Variants in ROBO2 observed in about 807,000 individuals in gnomAD.
ROBO2 encodes the protein roundabout homolog 2.
Under a neutral mutation model 160.8 loss-of-function variants are expected in ROBO2, and 53 were observed. That is an observed-to-expected ratio of 0.33 (90% confidence interval 0.26 to 0.41). The LOEUF is 0.41. Ranked by LOEUF, ROBO2 falls within the 10% of genes least tolerant of loss-of-function variation. The pLI, the probability that ROBO2 is intolerant of heterozygous loss-of-function variation, is 1.00. For synonymous variants in ROBO2, 664 were observed against 611.7 expected (o/e 1.09, Z -1.26); for missense variants, 1,577 against 1,722.4 (o/e 0.92, Z 1.49).
chr3:77,555,150 G>C (rs374722163), intron 8 of ROBO2, among the ~76,000 whole-genome samples: 2 of 152,048 alleles, frequency 1.3e-5, no homozygotes, highest in East Asian at 3.9e-4. Context: ...TAGCAATAAA[G>C]TATTTTTAAG....
chr3:76,907,823 GGT>G (rs71104638), intron 2 of ROBO2, among the ~76,000 whole-genome samples: 113 of 145,424 alleles, frequency 7.8e-4, no homozygotes, highest in South Asian at 1.6e-3. Context: ...GTTTGTTTGG[GGT>G]GTGTGTGTGT....
intron 2 of ROBO2, among the ~76,000 whole-genome samples, chr3:76,860,969 T>C (rs1331009654): frequency 1.3e-5 from 2 of 152,266 alleles, no homozygotes; most frequent in Middle Eastern, 3.4e-3. Flanking sequence ...ATTCAGCCCA[T>C]CCTTATCAAA....
At chr3:76,057,630 G>A (rs1364041078) in intron 2 of ROBO2, among the ~76,000 whole-genome samples, 2 of 152,126 alleles carry the variant, frequency 1.3e-5, no homozygotes, top group African/African-American at 4.8e-5. Context: ...GTGTTGTGGA[G>A]TAGAACAGAT....
chr3:76,391,828 T>A (rs2108649622), intron 2 of ROBO2, among the ~76,000 whole-genome samples: 1 of 152,268 alleles, frequency 6.6e-6, no homozygotes, highest in South Asian at 2.1e-4. Flanking sequence ...ACTTTCTATT[T>A]TAAGAGAAGT....
intron 2 of ROBO2, among the ~76,000 whole-genome samples, chr3:76,373,331 T>C (rs1311714871): frequency 6.6e-6 from 1 of 151,954 alleles, no homozygotes; most frequent in Admixed American, 6.6e-5. Flanking sequence ...TATTTAGTAA[T>C]TGAGAAAGGA....
At chr3:77,477,594 C>A (rs1369533230) in intron 3 of ROBO2, 23 bp downstream of exon 3, 1 of 1,606,858 alleles carries the variant, frequency 6.2e-7, no homozygotes, top group African/African-American at 1.3e-5. Context: ...AAAATCATGG[C>A]CCAGAGAGAT....
At chr3:76,882,481 A>G (rs2073452819) in intron 2 of ROBO2, among the ~76,000 whole-genome samples, 1 of 152,102 alleles carries the variant, frequency 6.6e-6, no homozygotes, top group South Asian at 2.1e-4. Context: ...CCTATATTAC[A>G]AATACTTTCA....
intron 2 of ROBO2, among the ~76,000 whole-genome samples, chr3:76,557,603 C>A (rs73129159): frequency 0.039 from 4,826 of 124,390 alleles, 88 homozygotes; most frequent in South Asian, 0.068. Flanking sequence ...ATAAAGGGTG[C>A]CTTTTTTTTT....
intron 8 of ROBO2, among the ~76,000 whole-genome samples, chr3:77,557,671 T>TA (rs1338185497): frequency 1.3e-5 from 2 of 151,942 alleles, no homozygotes; most frequent in Non-Finnish European, 2.9e-5. Context: ...ATGTCAGAAT[T>TA]TATCTCAATG....
At chr3:76,507,718 A>AT (rs1182467429) in intron 2 of ROBO2, among the ~76,000 whole-genome samples, 2 of 152,076 alleles carry the variant, frequency 1.3e-5, no homozygotes, top group African/African-American at 2.4e-5. Flanking sequence ...AGGAGAAACC[A>AT]TTTTTTACTT....
intron 2 of ROBO2, among the ~76,000 whole-genome samples, chr3:77,292,633 G>GAAGTTTAGAGCACTA (rs1479728578): frequency 1.3e-5 from 2 of 148,950 alleles, no homozygotes; most frequent in East Asian, 4.1e-4. Flanking sequence ...GGTTAAACAG[G>GAAGTTTAGAGCACTA]AAGTTGAGGC....
intron 2 of ROBO2, among the ~76,000 whole-genome samples, chr3:76,367,685 G>A (rs1004060834): frequency 6.6e-6 from 1 of 151,378 alleles, no homozygotes; most frequent in Non-Finnish European, 1.5e-5. Flanking sequence ...ATTTCCATGA[G>A]AAAAAAAATG....
intron 2 of ROBO2, among the ~76,000 whole-genome samples, chr3:76,273,401 C>A (rs1707716230): frequency 6.6e-6 from 1 of 151,834 alleles, no homozygotes; most frequent in Non-Finnish European, 1.5e-5. Flanking sequence ...AACAGAATAA[C>A]ACGGAGTGGG....
chr3:76,861,408 G>A (rs988572815), intron 2 of ROBO2, among the ~76,000 whole-genome samples: 1 of 152,074 alleles, frequency 6.6e-6, no homozygotes, highest in African/African-American at 2.4e-5. Context: ...GTAATTCTTA[G>A]TAAATTATTC....
At chr3:76,575,560 A>G (rs1166170665) in intron 2 of ROBO2, among the ~76,000 whole-genome samples, 1 of 152,080 alleles carries the variant, frequency 6.6e-6, no homozygotes, top group Non-Finnish European at 1.5e-5. Flanking sequence ...CTTTGGAGGT[A>G]GAAGTATGAG....
intron 2 of ROBO2, among the ~76,000 whole-genome samples, chr3:76,854,018 T>TCTC (rs2069718490): frequency 1.7e-5 from 2 of 117,194 alleles, no homozygotes; most frequent in Admixed American, 9.2e-5. Context: ...AGCATAGACT[T>TCTC]TCTCTCTCTC....
rs1042042754 is a variant in ROBO2 at position 77,584,884 on chromosome 3, A to G, written c.2501-3867A>G. ...TATTTTTTCACTTAAGAAGTTATAT[A>G]TATATGTATGTGTGTGTGTGTGTGT... On this transcript the variant is annotated intron_variant, in intron 16 of 25. Coordinates refer to ENST00000461745, the Ensembl canonical transcript of ROBO2. Among the ~76,000 whole-genome samples the G allele has an allele frequency of 2.5e-4, 26 of 102,112 alleles. No homozygotes were observed. In the East Asian group the frequency reaches 7.8e-3, roughly 30 times the overall value. The allele number at this position is 102,112 out of a possible 152,430, so 67.0% of individuals were successfully genotyped here.
At chr3:76,182,986 C>T (rs967004610) in intron 2 of ROBO2, among the ~76,000 whole-genome samples, 6 of 152,014 alleles carry the variant, frequency 3.9e-5, no homozygotes, top group African/African-American at 1.5e-4. Context: ...TTTTATGGGT[C>T]AGAAATTTGG....
chr3:76,915,078 T>G (rs1237242157), intron 2 of ROBO2, among the ~76,000 whole-genome samples: 1 of 152,206 alleles, frequency 6.6e-6, no homozygotes, highest in Non-Finnish European at 1.5e-5. Context: ...ATGTAACACC[T>G]TCTTCTTTAT....
Sources: gnomAD v4.1 joint callset for allele counts (sites outside exome capture counted in the v4.1 genomes callset) on GRCh38, gnomAD v4.1.1 for gene constraint, MANE v1.5 for transcripts, NCBI Gene and HGNC (gene_info 2026-07-23, HGNC 2026-07-21) for gene names.